KLKB1: variants seen among roughly 807,000 people sequenced by gnomAD.
KLKB1 encodes the protein kallikrein B1, also known as plasma kallikrein.
In KLKB1, 58 loss-of-function variants were observed where a neutral mutation model predicts 73.6. The ratio of observed to expected loss-of-function variants is 0.79; its 90% CI spans 0.64 to 0.98. The LOEUF is 0.98. Ranked by LOEUF, KLKB1 falls within the 50% of genes least tolerant of loss-of-function variation. The pLI, the probability that KLKB1 is intolerant of heterozygous loss-of-function variation, is 0.00. For missense variants in KLKB1, 737 were observed against 763.8 expected (o/e 0.96, Z 0.41); for synonymous variants, 280 against 258.1 (o/e 1.08, Z -0.81).
At position 186,258,280 on chromosome 4, in the gene KLKB1, C is replaced by A; in HGVS notation, c.*68C>A. 7.6e-7 allele frequency: 1 copy of A among 1,319,208 alleles called. No homozygotes were observed. The highest frequency in any genetic ancestry group is 1.1e-6 in the Non-Finnish European group (1 of 930,442). The allele number at this position is 1,319,208 out of a possible 1,614,324, so 81.7% of individuals were successfully genotyped here. A position where few individuals can be genotyped will look rare whatever the true frequency, so the allele number is the denominator to read the frequency against. On this transcript the variant is annotated 3_prime_UTR_variant, in exon 15 of 15. Coordinates refer to ENST00000264690, the MANE Select transcript of KLKB1 (RefSeq NM_000892.5). ...AGTCAAATTCTGAGCCTGGGGGGTCCTCATCTGCAAAGCATGGAGAGTGGC... is the reference window on the plus strand; with the variant it reads ...AGTCAAATTCTGAGCCTGGGGGGTCATCATCTGCAAAGCATGGAGAGTGGC...
rs1164745034 is a variant in KLKB1, at chr4:186,250,243, G to C, written c.599G>C (p.Gly200Ala). 6.2e-7 allele frequency: 1 copy of C among 1,613,946 alleles called. No individual in the cohort carries two copies. Among genetic ancestry groups the C allele is most frequent in the Admixed American group, 1.7e-5 (1 of 60,020 alleles). The change falls in exon 7 of 15, where the codon GGT becomes GCT. Residue 200 changes from glycine to alanine, a missense_variant and splice_region_variant. Physicochemically the swap from Gly to Ala is moderately conservative, Grantham distance 60. Transcript: ENST00000264690. ...ACATCTTCTCTCTGTGAGTTCACAG[G>C]TTGCCACATGAACATCTTCCAGCAT... Reference protein sequence around the residue: ...SLKPCALSEIGCHMNIFQHLA... With the variant: ...SLKPCALSEIACHMNIFQHLA...
At chr4:186,255,680 T>C (rs4241821) in intron 12 of KLKB1, among the ~76,000 whole-genome samples, 125,979 of 152,234 alleles carry the variant, frequency 0.83, 52,317 homozygotes, top group East Asian at 0.92. Context: ...ACAGTGAAGA[T>C]ACCCTGCTAT....
Position 186,251,481 on chromosome 4 carries a change from A to G in KLKB1, c.869-6A>G, listed in dbSNP as rs1738670276. The G allele has an allele frequency of 6.2e-7, 1 of 1,613,192 alleles. No individual in the cohort carries two copies. The highest frequency in any genetic ancestry group is 1.1e-5 in the South Asian group (1 of 91,058). ...TGATATCTTTTTGTGTTTATAATTG[A>G]CACAGAACCCTGCCATTCTAAAATT... On this transcript the variant is annotated splice_region_variant and splice_polypyrimidine_tract_variant and intron_variant, in intron 8 of 14. Transcript: ENST00000264690.
At chr4:186,255,029 C>A (rs1202290270) in intron 12 of KLKB1, among the ~76,000 whole-genome samples, 1 of 152,208 alleles carries the variant, frequency 6.6e-6, no homozygotes, top group Non-Finnish European at 1.5e-5. Flanking sequence ...TGGGAAATGT[C>A]TGTGCCGTCT....
At chr4:186,222,850 C>T (rs976515380), upstream of KLKB1, among the ~76,000 whole-genome samples, 3 of 152,044 alleles carry the variant, frequency 2.0e-5, no homozygotes, top group Admixed American at 2.0e-4. Flanking sequence ...GTTGAAATCC[C>T]ACAGCTTTTA....
upstream of KLKB1, among the ~76,000 whole-genome samples, chr4:186,222,089 C>T (rs746576796): frequency 2.6e-5 from 4 of 152,166 alleles, no homozygotes; most frequent in African/African-American, 4.8e-5. Flanking sequence ...CCTCTGCTTT[C>T]GTTTGGTTAT....
Position 186,256,997 on chromosome 4 carries a change from C to CTGTGTG in KLKB1, c.1586-228_1586-227insGTGTGT, listed in dbSNP as rs778577606. ...CCTCTTCCTCTCTCTGTCTCTCTCT[C>CTGTGTG]TCTGTGTGTGTGTGTGTGTGTGTGT... On this transcript the variant is annotated intron_variant, in intron 13 of 14. Transcript: ENST00000264690. 3.7e-3 allele frequency among the ~76,000 whole-genome samples: 548 copies of CTGTGTG among 148,724 alleles called. 2 individuals are homozygous for CTGTGTG. The highest frequency in any genetic ancestry group is 0.014 in the South Asian group (64 of 4,640).
chr4:186,251,700 C>T (rs748019201), intron 9 of KLKB1, 49 bp from the exon 10 acceptor site: 24 of 1,605,308 alleles, frequency 1.5e-5, no homozygotes, highest in Non-Finnish European at 1.7e-5. Context: ...ATTTCATATT[C>T]TCTTTCCCCC....
chr4:186,240,555 T>C (rs1026897736), intron 6 of KLKB1, among the ~76,000 whole-genome samples: 3 of 152,204 alleles, frequency 2.0e-5, no homozygotes, highest in African/African-American at 7.2e-5. Flanking sequence ...TCATTTAGCA[T>C]GTCAGGATGT....
At chr4:186,236,614 C>T (rs1328018435) in intron 4 of KLKB1, among the ~76,000 whole-genome samples, 167 bp from the exon 5 acceptor site, 1 of 152,008 alleles carries the variant, frequency 6.6e-6, no homozygotes, top group Non-Finnish European at 1.5e-5. Flanking sequence ...AAGCAGAGTT[C>T]GATAATTTAT....
At chr4:186,229,334 A>G (rs1336583328) in intron 2 of KLKB1, among the ~76,000 whole-genome samples, 3 of 152,172 alleles carry the variant, frequency 2.0e-5, no homozygotes, top group Admixed American at 2.0e-4. Flanking sequence ...ATCGTTAAAC[A>G]TCTTTTATTT....
Position 186,230,543 on chromosome 4 carries a change from C to T in KLKB1, c.59-1584C>T, listed in dbSNP as rs548946078. Reference sequence around the variant, plus strand: ...ATATAATAGTACTTTACATAGGCTCCAAAATACAGCACAGACACAGCTATC... The same window carrying T: ...ATATAATAGTACTTTACATAGGCTCTAAAATACAGCACAGACACAGCTATC... On this transcript the variant is annotated intron_variant, in intron 2 of 14. Coordinates refer to ENST00000264690, the MANE Select transcript of KLKB1 (RefSeq NM_000892.5). 3.3e-5 allele frequency among the ~76,000 whole-genome samples: 5 copies of T among 152,274 alleles called. No homozygotes were observed. In the South Asian group the frequency reaches 1.0e-3, roughly 32 times the overall value.
At chr4:186,252,447 A>ACCCACCACCAACCACCAAT (rs1738733533) in intron 11 of KLKB1, among the ~76,000 whole-genome samples, 1 of 151,000 alleles carries the variant, frequency 6.6e-6, no homozygotes, top group South Asian at 2.1e-4. Context: ...CACTCCTCCA[A>ACCCACCACCAACCACCAAT]CCCACCACCC....
chr4:186,254,867 T>C, intron 12 of KLKB1, 104 bp downstream of exon 12: 1 of 1,035,624 alleles, frequency 9.7e-7, no homozygotes, highest in Non-Finnish European at 1.4e-6. Flanking sequence ...CGTCGTTTTC[T>C]GACTGGTGGA....
upstream of KLKB1, among the ~76,000 whole-genome samples, chr4:186,226,094 G>A (rs1737159036): frequency 6.6e-6 from 1 of 151,734 alleles, no homozygotes; most frequent in African/African-American, 2.4e-5. Flanking sequence ...TTTAGCTCCA[G>A]AATTTCTGTT....
chr4:186,244,008 A>G (rs771080285), intron 6 of KLKB1, among the ~76,000 whole-genome samples: 2 of 152,176 alleles, frequency 1.3e-5, no homozygotes, highest in Non-Finnish European at 2.9e-5. Context: ...GGTGGGGGCC[A>G]GCCTAAAACA....
At chr4:186,250,533 C>A in intron 7 of KLKB1, 131 bp downstream of exon 7, 1 of 990,882 alleles carries the variant, frequency 1.0e-6, no homozygotes, top group Non-Finnish European at 1.6e-6. Context: ...CTTGAACCTG[C>A]AGTTTCAGTA....
At chr4:186,239,958 T>C in intron 6 of KLKB1, among the ~76,000 whole-genome samples, 1 of 149,778 alleles carries the variant, frequency 6.7e-6, no homozygotes, top group Non-Finnish European at 1.5e-5. Context: ...AGTACAGTGA[T>C]ACTGTTAGAG....
At chr4:186,250,475 C>G (rs1738613391) in intron 7 of KLKB1, 73 bp downstream of exon 7, 4 of 1,521,222 alleles carry the variant, frequency 2.6e-6, no homozygotes, top group Non-Finnish European at 2.7e-6. Flanking sequence ...ACTTTCATCA[C>G]TTTTATAGTC....
Sources: gnomAD v4.1 joint callset for allele counts (sites outside exome capture counted in the v4.1 genomes callset) on GRCh38, gnomAD v4.1.1 for gene constraint, MANE v1.5 for transcripts, NCBI Gene and HGNC (gene_info 2026-07-23, HGNC 2026-07-21) for gene names.